The following SLC27A6 variants were observed in gnomAD, a reference collection of about 807,000 sequenced individuals.
The protein encoded by SLC27A6 is long-chain fatty acid transport protein 6.
In SLC27A6, 74 loss-of-function variants were observed where a neutral mutation model predicts 63.9. The observed-to-expected ratio is 1.16, with a 90% CI of 0.96 to 1.40. The LOEUF is 1.40. Among genes scored for constraint, SLC27A6 ranks in the 40% most tolerant of loss-of-function variants. The pLI is 0.00. For synonymous variants in SLC27A6, 287 were observed against 260.8 expected, an observed-to-expected ratio of 1.10 and a Z score of -0.97; for missense variants, 794 against 732.9, an observed-to-expected ratio of 1.08 and a Z score of -0.96.
chr5:128,967,949 C>T (rs1749974513), intron 1 of SLC27A6, among the ~76,000 whole-genome samples: 1 of 151,488 alleles, frequency 6.6e-6, no homozygotes, highest in African/African-American at 2.4e-5. Context: ...GTGTGATGTT[C>T]CCCACCCTGT....
At chr5:128,980,873 T>G (rs1406094459) in intron 1 of SLC27A6, among the ~76,000 whole-genome samples, 4 of 152,300 alleles carry the variant, frequency 2.6e-5, no homozygotes, top group South Asian at 2.1e-4. Flanking sequence ...AATGTAGTTT[T>G]TAGTGCAGCA....
At chr5:129,003,227 A>T (rs1322277018) in intron 4 of SLC27A6, among the ~76,000 whole-genome samples, 1 of 152,110 alleles carries the variant, frequency 6.6e-6, no homozygotes. Context: ...GTCTCTGTGA[A>T]TTTGTCTAAG....
chr5:128,968,767 A>G (rs1416185659), intron 1 of SLC27A6, among the ~76,000 whole-genome samples: 1 of 152,024 alleles, frequency 6.6e-6, no homozygotes, highest in East Asian at 1.9e-4. Context: ...CTTTAGTTTA[A>G]TTAGATCCCA....
At chr5:129,001,304 C>T (rs796482099) in intron 4 of SLC27A6, among the ~76,000 whole-genome samples, 2 of 152,314 alleles carry the variant, frequency 1.3e-5, no homozygotes, top group African/African-American at 4.8e-5. Context: ...GCCTATTTTT[C>T]TGCCCCAGTT....
chr5:128,976,288 C>A (rs181815387), intron 1 of SLC27A6, among the ~76,000 whole-genome samples: 135 of 152,290 alleles, frequency 8.9e-4, no homozygotes, highest in Admixed American at 2.0e-3. Context: ...GCAGGTGGAT[C>A]ACCTGAGGTC....
chr5:129,004,583 A>G (rs1751455928), intron 4 of SLC27A6, among the ~76,000 whole-genome samples: 1 of 152,180 alleles, frequency 6.6e-6, no homozygotes, highest in South Asian at 2.1e-4. Context: ...TCCTATCCCA[A>G]TATAGCTTAG....
At chr5:129,027,110 A>G (rs1401493092) in intron 6 of SLC27A6, 23 bp from the exon 7 acceptor site, 3 of 1,604,196 alleles carry the variant, frequency 1.9e-6, no homozygotes, top group Admixed American at 3.3e-5. Flanking sequence ...AGATGGCTGC[A>G]AAAATGTCGT....
intron 1 of SLC27A6, among the ~76,000 whole-genome samples, chr5:128,972,639 A>G (rs1008475664): frequency 2.0e-5 from 3 of 152,070 alleles, no homozygotes; most frequent in Non-Finnish European, 4.4e-5. Flanking sequence ...AGTCCTCTCT[A>G]TGCTGTTTAT....
At chr5:129,010,893 A>G (rs1244730265) in intron 4 of SLC27A6, among the ~76,000 whole-genome samples, 2 of 152,062 alleles carry the variant, frequency 1.3e-5, no homozygotes, top group African/African-American at 4.8e-5. Flanking sequence ...AAACCAGTTA[A>G]GTTGATGTGG....
chr5:128,996,767 A>G (rs1751174675), intron 4 of SLC27A6, among the ~76,000 whole-genome samples: 1 of 140,604 alleles, frequency 7.1e-6, no homozygotes, highest in African/African-American at 2.6e-5. Context: ...TAGATATGAT[A>G]TGGAAATGAA....
intron 5 of SLC27A6, among the ~76,000 whole-genome samples, chr5:129,020,787 A>C (rs1184811359): frequency 6.6e-6 from 1 of 152,090 alleles, no homozygotes; most frequent in East Asian, 1.9e-4. Context: ...CTCAGGTTTG[A>C]TAATTTGCTA....
chr5:128,984,307 C>T (rs765349866), intron 1 of SLC27A6, among the ~76,000 whole-genome samples: 1 of 152,110 alleles, frequency 6.6e-6, no homozygotes, highest in Non-Finnish European at 1.5e-5. Flanking sequence ...TTAATTATTT[C>T]CTCATCAAGG....
In SLC27A6 at chr5:128,985,277, A is replaced by T; in HGVS notation, c.626A>T (p.His209Leu). The T allele has an allele frequency of 6.2e-7, 1 of 1,614,124 alleles. No individual in the cohort carries two copies. The highest frequency in any genetic ancestry group is 8.5e-7 in the Non-Finnish European group (1 of 1,180,020). The change falls in exon 2 of 10, where the codon CAC (histidine) becomes CTC (leucine). Residue 209 changes from histidine (H) to leucine (L), a missense_variant. Coordinates refer to ENST00000262462, the MANE Select transcript of SLC27A6 (RefSeq NM_001017372.3). The part of the protein sequence containing the change: ...TSPDEPVPRS[H>L]HVVSLLKSTC... ...CCTGATGAGCCCGTGCCACGCAGCC[A>T]CCATGTTGTCTCACTCCTCAAGTCT... is the stretch of plus-strand genomic sequence containing the variant.
chr5:128,989,872 C>T (rs912144790), intron 3 of SLC27A6, among the ~76,000 whole-genome samples: 2 of 146,470 alleles, frequency 1.4e-5, no homozygotes, highest in South Asian at 2.2e-4. Context: ...TGCAGTGAGC[C>T]GAGTTCGTGC....
chr5:129,002,569 C>A (rs1751381269), intron 4 of SLC27A6, among the ~76,000 whole-genome samples: 1 of 145,528 alleles, frequency 6.9e-6, no homozygotes, highest in African/African-American at 2.5e-5. Context: ...TTCCTTCGTT[C>A]CTTCGTTCCT....
In SLC27A6 at chr5:128,965,619, C is replaced by T. The variant is rs1749852583; in HGVS notation, c.-519C>T. Reference sequence around the variant, plus strand: ...CAGCTTTTCCCGGCTCGAATTCAGCCTCCAACTCAAGCTCGCGGGAAAGAC... The same window carrying T: ...CAGCTTTTCCCGGCTCGAATTCAGCTTCCAACTCAAGCTCGCGGGAAAGAC... On this transcript the variant is annotated 5_prime_UTR_variant, in exon 1 of 10. Transcript: ENST00000262462. The T allele has an allele frequency of 6.5e-6, 1 of 152,972 alleles. No individual in the cohort carries two copies. Among genetic ancestry groups the T allele is most frequent in the African/African-American group, 2.4e-5 (1 of 41,506 alleles). The allele number at this position is 152,972 out of a possible 1,614,324, so 9.5% of individuals were successfully genotyped here. A position where few individuals can be genotyped will look rare whatever the true frequency, so the allele number is the denominator to read the frequency against.
intron 1 of SLC27A6, among the ~76,000 whole-genome samples, chr5:128,970,486 T>G (rs55737361): frequency 1.5e-4 from 23 of 152,250 alleles, no homozygotes; most frequent in African/African-American, 3.6e-4. Flanking sequence ...TTTAGTCTTG[T>G]GACGGTGTAT....
At chr5:128,982,048 A>G (rs1750610982) in intron 1 of SLC27A6, among the ~76,000 whole-genome samples, 1 of 152,100 alleles carries the variant, frequency 6.6e-6, no homozygotes, top group South Asian at 2.1e-4. Context: ...TCCTGACCTC[A>G]GGTGATCCAC....
intron 4 of SLC27A6, among the ~76,000 whole-genome samples, chr5:129,008,051 GATT>G (rs1751604276): frequency 1.3e-5 from 2 of 151,838 alleles, no homozygotes; most frequent in African/African-American, 4.8e-5. Flanking sequence ...TATATAGTGA[GATT>G]ATATATTATT....
Sources: gnomAD v4.1 joint callset for allele counts (sites outside exome capture counted in the v4.1 genomes callset) on GRCh38, gnomAD v4.1.1 for gene constraint, MANE v1.5 for transcripts, NCBI Gene and HGNC (gene_info 2026-07-23, HGNC 2026-07-21) for gene names.